Variants in ZNF407 observed in about 807,000 individuals in gnomAD.
The protein encoded by ZNF407 is zinc finger protein 407.
In ZNF407, 17 loss-of-function variants were observed where a neutral mutation model predicts 131.2. The ratio of observed to expected loss-of-function variants is 0.13; its 90% CI spans 0.09 to 0.19. ZNF407 has a LOEUF of 0.19. Among genes scored for constraint, ZNF407 ranks in the 10% least tolerant of loss-of-function variants. The probability of loss-of-function intolerance (pLI) is 1.00; values close to 1 mark genes in which losing one functional copy is unlikely to be tolerated. For synonymous variants in ZNF407, 1,156 were observed against 1,062.0 expected (o/e 1.09, Z -1.72); for missense variants, 2,681 against 2,830.6 (o/e 0.95, Z 1.20).
At chr18:74,828,756 A>G (rs1970443587) in intron 4 of ZNF407, among the ~76,000 whole-genome samples, 1 of 129,668 alleles carries the variant, frequency 7.7e-6, no homozygotes, top group African/African-American at 2.5e-5. Flanking sequence ...TTAAAACACC[A>G]ATGTGATACT....
chr18:74,803,493 A>C (rs543439054), intron 4 of ZNF407, among the ~76,000 whole-genome samples: 7 of 152,278 alleles, frequency 4.6e-5, no homozygotes, highest in African/African-American at 1.4e-4. Context: ...AAAGTGACAA[A>C]ATTCATTTTG....
At chr18:74,628,790 G>C (rs1344369379) in intron 1 of ZNF407, among the ~76,000 whole-genome samples, 6 of 151,918 alleles carry the variant, frequency 3.9e-5, no homozygotes, top group African/African-American at 4.8e-5. Flanking sequence ...GTGTTGCCCA[G>C]GCTGGTGTCG....
chr18:74,722,137 A>T, intron 3 of ZNF407, among the ~76,000 whole-genome samples: 1 of 150,324 alleles, frequency 6.7e-6, no homozygotes, highest in Non-Finnish European at 1.5e-5. Flanking sequence ...TTGATGTTGA[A>T]CTTTTATCTG....
chr18:74,856,162 C>G (rs1266174956), intron 4 of ZNF407, among the ~76,000 whole-genome samples: 1 of 152,174 alleles, frequency 6.6e-6, no homozygotes, highest in Non-Finnish European at 1.5e-5. Flanking sequence ...GCAGATTTTT[C>G]TTAGATCATT....
In ZNF407 at chr18:74,717,003, G is replaced by T. The variant is rs193255059; in HGVS notation, c.4803-64425G>T. Among the ~76,000 whole-genome samples the T allele has an allele frequency of 4.7e-4, 71 of 152,290 alleles. 1 individual carries two copies. Among genetic ancestry groups the T allele is most frequent in the Non-Finnish European group, 1.5e-4 (10 of 68,022 alleles). On this transcript the variant is annotated intron_variant, in intron 3 of 8. Transcript: ENST00000299687. ...TAATGTGTTTATATACAGAGAGAGTGTGGTATAGTATGTGTTGTTATTAGT... is the reference window on the plus strand; with the variant it reads ...TAATGTGTTTATATACAGAGAGAGTTTGGTATAGTATGTGTTGTTATTAGT...
chr18:74,703,047 A>T lies in ZNF407; in HGVS notation c.4802+61925A>T, dbSNP rs1348379167. Among the ~76,000 whole-genome samples, 3 of 152,234 alleles carry T rather than the reference A, an allele frequency of 2.0e-5. No individual in the cohort carries two copies. The highest frequency in any genetic ancestry group is 1.3e-4 in the Admixed American group (2 of 15,280). ...TTTGGGGCTCTTCTTCCAGGAGCAT[A>T]ACTTACACATGCCTGGTCTAGTGGT... On this transcript the variant is annotated intron_variant, in intron 3 of 8. Coordinates refer to ENST00000299687, the MANE Select transcript of ZNF407 (RefSeq NM_017757.3). The surrounding 1 kb of genome is among the most constrained non-coding windows in gnomAD (Gnocchi z 4.1).
At chr18:74,851,653 A>G (rs1970785207) in intron 4 of ZNF407, among the ~76,000 whole-genome samples, 1 of 152,086 alleles carries the variant, frequency 6.6e-6, no homozygotes, top group Non-Finnish European at 1.5e-5. Flanking sequence ...GAACACAAAT[A>G]TTGTTATATT....
At chr18:74,862,595 A>T (rs898335217) in intron 4 of ZNF407, among the ~76,000 whole-genome samples, 1 of 152,204 alleles carries the variant, frequency 6.6e-6, no homozygotes, top group African/African-American at 2.4e-5. Context: ...GAAGTTATTT[A>T]TTACTTTAAT....
chr18:74,647,602 T>G (rs981178123), intron 3 of ZNF407, among the ~76,000 whole-genome samples: 5 of 152,202 alleles, frequency 3.3e-5, no homozygotes, highest in African/African-American at 1.2e-4. Flanking sequence ...CTTACAGTCC[T>G]TTACTTTGTG....
At chr18:74,787,230 A>T (rs913799942) in intron 4 of ZNF407, among the ~76,000 whole-genome samples, 6 of 152,122 alleles carry the variant, frequency 3.9e-5, no homozygotes, top group Non-Finnish European at 7.4e-5. Flanking sequence ...TTTCTCTTAT[A>T]CTGTATTTGC....
intron 4 of ZNF407, among the ~76,000 whole-genome samples, chr18:74,789,977 CCTGGCCA>C (rs1441073037): frequency 2.0e-5 from 3 of 151,892 alleles, no homozygotes; most frequent in Non-Finnish European, 4.4e-5. Flanking sequence ...AGTCTGATGC[CCTGGCCA>C]CTGTCTTCTG....
At chr18:74,752,649 C>T (rs1357592960) in intron 3 of ZNF407, among the ~76,000 whole-genome samples, 7 of 152,040 alleles carry the variant, frequency 4.6e-5, no homozygotes, top group African/African-American at 9.7e-5. Flanking sequence ...CCCCATTTCT[C>T]GTTTTTGTCA....
At chr18:75,010,578 T>C (rs985901509) in intron 8 of ZNF407, among the ~76,000 whole-genome samples, 2 of 152,158 alleles carry the variant, frequency 1.3e-5, no homozygotes, top group African/African-American at 4.8e-5. Flanking sequence ...TCGGGCATGC[T>C]GAAAATTTCA....
At chr18:74,693,261 A>AGATTATCC (rs1255199048) in intron 3 of ZNF407, among the ~76,000 whole-genome samples, 4 of 152,248 alleles carry the variant, frequency 2.6e-5, no homozygotes, top group Admixed American at 2.6e-4. Flanking sequence ...GAGAAAAGTT[A>AGATTATCC]GACTTTTGCA....
At chr18:74,974,250 C>G (rs1308526062) in intron 8 of ZNF407, among the ~76,000 whole-genome samples, 1 of 152,102 alleles carries the variant, frequency 6.6e-6, no homozygotes, top group African/African-American at 2.4e-5. Flanking sequence ...GCTATTCTGC[C>G]CTATGACTTG....
At chr18:74,809,833 G>T (rs1399098464) in intron 4 of ZNF407, among the ~76,000 whole-genome samples, 1 of 152,204 alleles carries the variant, frequency 6.6e-6, no homozygotes, top group East Asian at 1.9e-4. Context: ...ATTAGTTCAA[G>T]TGAGAGATGA....
chr18:74,957,500 C>T (rs923871293), intron 8 of ZNF407, among the ~76,000 whole-genome samples: 1 of 151,606 alleles, frequency 6.6e-6, no homozygotes, highest in Non-Finnish European at 1.5e-5. Context: ...AAGGAATAAA[C>T]AGGAGAGGGT....
In ZNF407 at chr18:74,631,961, T is replaced by C; in HGVS notation, c.942T>C (p.Asn314=). ...GAACTTCTAAATCAATAGCAAAGAA[T>C]AGTGATTCAAAAGGATTACGAAATG... ...KPRTSKSIAK[N]SDSKGLRNVG... is the part of the protein sequence containing the mutation. Residue 314 remains asparagine (N), a synonymous_variant, in exon 2 of 9, where the codon AAT becomes AAC. Coordinates refer to ENST00000299687, the MANE Select transcript of ZNF407 (RefSeq NM_017757.3). The C allele has an allele frequency of 6.2e-7, 1 of 1,613,980 alleles. No homozygotes were observed. Among genetic ancestry groups the C allele is most frequent in the Non-Finnish European group, 8.5e-7 (1 of 1,179,884 alleles).
rs1289598189 is a variant in ZNF407 at position 74,634,859 on chromosome 18, G to A, written c.3840G>A (p.Gly1280=). The A allele has an allele frequency of 1.9e-6, 3 of 1,613,726 alleles. No homozygotes were observed. The highest frequency in any genetic ancestry group is 1.6e-4 in the Middle Eastern group (1 of 6,062). ...GAGAACAGGGAAATCTGGAGAGCGG[G>A]GGTCAGAACAGAGTTGCACGTGGGC... The part of the protein sequence containing the change: ...ITREQGNLES[G]GQNRVARGHG... The change falls in exon 2 of 9, where the codon GGG becomes GGA. Residue 1280 remains glycine, a synonymous_variant. Transcript: ENST00000299687.
Sources: allele counts gnomAD v4.1 joint callset (sites outside exome capture counted in the v4.1 genomes callset), GRCh38; gene constraint gnomAD v4.1.1; non-coding constraint Gnocchi (gnomAD v3.1); transcripts MANE v1.5; gene names NCBI Gene and HGNC (gene_info 2026-07-23, HGNC 2026-07-21).